The following PXDNL variants were observed in gnomAD, a reference collection of about 807,000 sequenced individuals.
PXDNL encodes the protein probable oxidoreductase PXDNL.
PXDNL carries 145 observed loss-of-function variants against 150.8 expected under a neutral mutation model. The ratio of observed to expected loss-of-function variants is 0.96; its 90% CI spans 0.84 to 1.10. PXDNL has a LOEUF of 1.10. Among genes scored for constraint, PXDNL ranks in the 50% least tolerant of loss-of-function variants. The pLI is 0.00. For synonymous variants in PXDNL, 757 were observed against 725.7 expected, an observed-to-expected ratio of 1.04 and a Z score of -0.69; for missense variants, 2,087 against 1,873.9, an observed-to-expected ratio of 1.11 and a Z score of -2.10.
intron 1 of PXDNL, among the ~76,000 whole-genome samples, chr8:51,735,436 G>C (rs2130941542): frequency 6.6e-6 from 1 of 151,478 alleles, no homozygotes. Flanking sequence ...AGTGAGTCGA[G>C]ATCCTGCCGC....
chr8:51,544,444 C>T (rs920124214), intron 4 of PXDNL, among the ~76,000 whole-genome samples: 7 of 152,182 alleles, frequency 4.6e-5, no homozygotes, highest in African/African-American at 1.7e-4. Context: ...GGTTATTCTT[C>T]GGAACTATCT....
At chr8:51,536,411 G>A (rs1311503078) in intron 4 of PXDNL, among the ~76,000 whole-genome samples, 1 of 152,220 alleles carries the variant, frequency 6.6e-6, no homozygotes, top group Non-Finnish European at 1.5e-5. Context: ...AAAAAGAACA[G>A]TAGCTAAACG....
chr8:51,638,295 A>C (rs1206833507), intron 2 of PXDNL, among the ~76,000 whole-genome samples: 1 of 152,194 alleles, frequency 6.6e-6, no homozygotes, highest in African/African-American at 2.4e-5. Flanking sequence ...GCATCAACTA[A>C]CGACCAAAAT....
At chr8:51,665,257 C>T (rs190539527) in intron 1 of PXDNL, among the ~76,000 whole-genome samples, 4 of 152,168 alleles carry the variant, frequency 2.6e-5, no homozygotes, top group Non-Finnish European at 5.9e-5. Context: ...GAAAGCGAAC[C>T]CGCGGTGGGT....
At chr8:51,369,918 C>G (rs1210294748) in intron 19 of PXDNL, among the ~76,000 whole-genome samples, 1 of 152,174 alleles carries the variant, frequency 6.6e-6, no homozygotes, top group Non-Finnish European at 1.5e-5. Context: ...GAGCCCTCCT[C>G]CGAGTCTTCA....
At position 51,452,908 on chromosome 8, in the gene PXDNL, G is replaced by GCA. The variant is rs1325939804; in HGVS notation, c.1249+609_1249+610dup. 7.6e-5 allele frequency among the ~76,000 whole-genome samples: 3 copies of GCA among 39,494 alleles called. No homozygotes were observed. The East Asian group carries it at 1.3e-3, about 17-fold the overall frequency. 25.9% of individuals were successfully genotyped at this position (39,494 alleles called of 152,430 possible). ...AGGAAGATGGCATGCAGGCACACATGCACACACACACAAACGCACACACAC... is the reference window on the plus strand; with the variant it reads ...AGGAAGATGGCATGCAGGCACACATGCACACACACACACAAACGCACACACAC... On this transcript the variant is annotated intron_variant, in intron 10 of 22. Coordinates refer to ENST00000356297, the MANE Select transcript of PXDNL (RefSeq NM_144651.5).
chr8:51,656,558 C>T (rs1190153653), intron 1 of PXDNL, among the ~76,000 whole-genome samples: 1 of 152,168 alleles, frequency 6.6e-6, no homozygotes, highest in Non-Finnish European at 1.5e-5. Flanking sequence ...GGGCTCTCCT[C>T]TTGCATTAAA....
intron 2 of PXDNL, among the ~76,000 whole-genome samples, chr8:51,631,537 C>A (rs545003252): frequency 6.6e-6 from 1 of 152,090 alleles, no homozygotes; most frequent in Admixed American, 6.6e-5. Flanking sequence ...TAGAGGGAAT[C>A]TTTTGAGCTG....
chr8:51,374,193 C>G (rs751893360), intron 18 of PXDNL, among the ~76,000 whole-genome samples: 1 of 152,190 alleles, frequency 6.6e-6, no homozygotes, highest in African/African-American at 2.4e-5. Context: ...TTCTCAACAT[C>G]ATTGAAGGCT....
intron 12 of PXDNL, among the ~76,000 whole-genome samples, chr8:51,444,253 CT>C (rs1342382237): frequency 6.6e-6 from 1 of 152,138 alleles, no homozygotes; most frequent in Non-Finnish European, 1.5e-5. Flanking sequence ...CCCACCATGA[CT>C]TTTGCACCAT....
In PXDNL at chr8:51,599,375, T is replaced by G. The variant is rs575264603; in HGVS notation, c.237-6677A>C. On this transcript the variant is annotated intron_variant, in intron 2 of 22. Transcript: ENST00000356297. ...ATTTTTTGAGGTAGGCATTTATTGCTCTCAACTTTCCTCTTAACATTGCTT... is the reference window on the plus strand; with the variant it reads ...ATTTTTTGAGGTAGGCATTTATTGCGCTCAACTTTCCTCTTAACATTGCTT... Among the ~76,000 whole-genome samples, 9 of 152,030 alleles carry G rather than the reference T, an allele frequency of 5.9e-5. No individual in the cohort carries two copies. In the South Asian group the frequency reaches 8.3e-4, roughly 14 times the overall value.
At chr8:51,342,461 G>A (rs1224611980) in intron 20 of PXDNL, among the ~76,000 whole-genome samples, 1 of 151,948 alleles carries the variant, frequency 6.6e-6, no homozygotes, top group Non-Finnish European at 1.5e-5. Context: ...AAATTAATCA[G>A]GAAAAATGGT....
rs116113391 is a variant in PXDNL at position 51,363,165 on chromosome 8, C to T, written c.3901+8708G>A. 4.8e-3 allele frequency among the ~76,000 whole-genome samples: 733 copies of T among 152,284 alleles called. 6 individuals carry two copies. The highest frequency in any genetic ancestry group is 0.017 in the African/African-American group (694 of 41,552). ...AGGCATCCTCCTCACAGCTGTCTTC[C>T]GTCCTGACTTCTACATCAGGCATGG... On this transcript the variant is annotated intron_variant, in intron 19 of 22. Coordinates refer to ENST00000356297, the MANE Select transcript of PXDNL (RefSeq NM_144651.5).
chr8:51,483,559 G>A, intron 6 of PXDNL, 84 bp downstream of exon 6: 1 of 843,178 alleles, frequency 1.2e-6, no homozygotes, highest in Non-Finnish European at 1.9e-6. Flanking sequence ...GGAAAAGCAG[G>A]AGAAGGCAAC....
At chr8:51,673,154 CAG>C (rs1332173712) in intron 1 of PXDNL, among the ~76,000 whole-genome samples, 1 of 152,088 alleles carries the variant, frequency 6.6e-6, no homozygotes, top group African/African-American at 2.4e-5. Flanking sequence ...GACCAACAAA[CAG>C]AGAATGATAA....
rs7824882 is a variant in PXDNL at position 51,617,161 on chromosome 8, A to G, written c.237-24463T>C. Among the ~76,000 whole-genome samples the G allele has an allele frequency of 2.5e-3, 374 of 152,338 alleles. 2 individuals are homozygous for G. The highest frequency in any genetic ancestry group is 8.4e-3 in the African/African-American group (350 of 41,580). On this transcript the variant is annotated intron_variant, in intron 2 of 22. Transcript: ENST00000356297. ...GAAAAACACAATTCGCCAATTTGTC[A>G]GTTTGGCCAAATGGCATCTCAATCT...
chr8:51,565,276 C>A (rs1812794987), intron 3 of PXDNL, among the ~76,000 whole-genome samples: 1 of 109,064 alleles, frequency 9.2e-6, no homozygotes, highest in Non-Finnish European at 2.2e-5. Context: ...TGCAATATAT[C>A]TTTTCCTAAA....
At chr8:51,796,886 G>A (rs891151226) in intron 1 of PXDNL, among the ~76,000 whole-genome samples, 6 of 152,140 alleles carry the variant, frequency 3.9e-5, no homozygotes, top group African/African-American at 1.4e-4. Context: ...GAGAACTTCA[G>A]GCCAATATCC....
intron 2 of PXDNL, among the ~76,000 whole-genome samples, chr8:51,650,768 A>G (rs1815017759): frequency 6.6e-6 from 1 of 152,222 alleles, no homozygotes; most frequent in Admixed American, 6.5e-5. Flanking sequence ...AGAATGATGC[A>G]TTTAGTTTTG....
Sources: allele counts gnomAD v4.1 joint callset (sites outside exome capture counted in the v4.1 genomes callset), GRCh38; gene constraint gnomAD v4.1.1; transcripts MANE v1.5; gene names NCBI Gene and HGNC (gene_info 2026-07-23, HGNC 2026-07-21).